PAPPA2: variants seen among roughly 807,000 people sequenced by gnomAD.
PAPPA2 encodes pappalysin 2, also known as pappalysin-2.
A neutral mutation model predicts 176.4 loss-of-function variants in PAPPA2; 86 were observed. The ratio of observed to expected loss-of-function variants is 0.49; its 90% CI spans 0.41 to 0.58. PAPPA2 has a LOEUF of 0.58. PAPPA2 is among the 20% of genes least tolerant of loss of function. The probability of loss-of-function intolerance (pLI) is 0.00; values close to 1 mark genes in which losing one functional copy is unlikely to be tolerated. For missense variants in PAPPA2, 2,073 were observed against 2,256.9 expected, an observed-to-expected ratio of 0.92 and a Z score of 1.65; for synonymous variants, 809 against 852.2, an observed-to-expected ratio of 0.95 and a Z score of 0.88.
intron 1 of PAPPA2, among the ~76,000 whole-genome samples, chr1:176,529,205 T>C (rs552458434): frequency 6.6e-6 from 1 of 152,110 alleles, no homozygotes; most frequent in East Asian, 1.9e-4. Context: ...GTGAAGTGCA[T>C]TTGAGGAAAA....
intron 1 of PAPPA2, among the ~76,000 whole-genome samples, chr1:176,496,603 C>T (rs1647643583): frequency 6.6e-6 from 1 of 152,134 alleles, no homozygotes; most frequent in South Asian, 2.1e-4. Flanking sequence ...ACTTTGTCCT[C>T]CTACACTATG....
Position 176,842,735 on chromosome 1 carries a change from C to A in PAPPA2, c.*281C>A. 1 of 425,518 alleles carries A rather than the reference C, an allele frequency of 2.4e-6. No individual in the cohort carries two copies. The highest frequency in any genetic ancestry group is 4.4e-5 in the East Asian group (1 of 22,678). The allele number at this position is 425,518 out of a possible 1,614,324, so 26.4% of individuals were successfully genotyped here. On this transcript the variant is annotated 3_prime_UTR_variant, in exon 23 of 23. Transcript: ENST00000367662. The stretch of plus-strand genomic sequence containing the variant: ...TAGATATATAAGGACCCTCCTCCCT[C>A]ACTTATATTCTATTAAATCCTATCC...
At chr1:176,652,695 C>T (rs1657800482) in intron 3 of PAPPA2, among the ~76,000 whole-genome samples, 1 of 151,712 alleles carries the variant, frequency 6.6e-6, no homozygotes, top group South Asian at 2.1e-4. Flanking sequence ...TCAGTCACTC[C>T]TGATGCTTCC....
intron 21 of PAPPA2, among the ~76,000 whole-genome samples, chr1:176,826,799 T>C (rs1206511158): frequency 3.3e-5 from 5 of 152,188 alleles, no homozygotes; most frequent in African/African-American, 1.2e-4. Flanking sequence ...TTGGGCAGAA[T>C]AGAAAATGTG....
chr1:176,787,679 A>T (rs545157111), intron 17 of PAPPA2, among the ~76,000 whole-genome samples: 6 of 152,196 alleles, frequency 3.9e-5, no homozygotes. Flanking sequence ...TATTAAAATT[A>T]TTTGAAGTTG....
intron 3 of PAPPA2, among the ~76,000 whole-genome samples, chr1:176,596,899 C>T (rs985348409): frequency 1.3e-5 from 2 of 152,198 alleles, no homozygotes; most frequent in Non-Finnish European, 2.9e-5. Flanking sequence ...ATCCCCAGTA[C>T]ACAACTGGTG....
At chr1:176,707,683 C>T (rs1325181515) in intron 10 of PAPPA2, among the ~76,000 whole-genome samples, 1 of 152,088 alleles carries the variant, frequency 6.6e-6, no homozygotes, top group Non-Finnish European at 1.5e-5. Flanking sequence ...AGGCTCAGAA[C>T]GTTTTAATGA....
At chr1:176,694,930 G>T (rs1204104390) in intron 6 of PAPPA2, among the ~76,000 whole-genome samples, 2 of 152,220 alleles carry the variant, frequency 1.3e-5, no homozygotes, top group African/African-American at 4.8e-5. Flanking sequence ...TCCAGCAGGT[G>T]CAGTGGGTGC....
At position 176,556,111 on chromosome 1, in the gene PAPPA2, G is replaced by C; in HGVS notation, c.-212G>C. The C allele has an allele frequency of 1.7e-6, 1 of 596,214 alleles. No homozygotes were observed. Among genetic ancestry groups the C allele is most frequent in the African/African-American group, 1.9e-5 (1 of 54,018 alleles). 36.9% of individuals were successfully genotyped at this position (596,214 alleles called of 1,614,324 possible). A position where few individuals can be genotyped will look rare whatever the true frequency, so the allele number is the denominator to read the frequency against. ...GAAGCGTGCGGGAAGCACATGCCCT[G>C]GGGAGGCATAGAAGCCACACTGGCA... On this transcript the variant is annotated 5_prime_UTR_variant, in exon 2 of 23. Transcript: ENST00000367662.
intron 19 of PAPPA2, among the ~76,000 whole-genome samples, chr1:176,793,013 A>G (rs1210633748): frequency 3.3e-5 from 5 of 152,184 alleles, no homozygotes; most frequent in African/African-American, 1.2e-4. Context: ...TATCTTTAGT[A>G]CAGCAATAGA....
intron 1 of PAPPA2, among the ~76,000 whole-genome samples, chr1:176,508,188 G>A (rs192108184): frequency 1.3e-5 from 2 of 152,252 alleles, no homozygotes; most frequent in African/African-American, 4.8e-5. Context: ...GAAAGACTAC[G>A]AAATCCATCA....
intron 21 of PAPPA2, among the ~76,000 whole-genome samples, chr1:176,818,577 C>T (rs1289642635): frequency 1.4e-5 from 2 of 144,864 alleles, no homozygotes; most frequent in Non-Finnish European, 3.0e-5. Flanking sequence ...TATATCCACA[C>T]ACCAGCCACA....
chr1:176,466,478 A>G (rs1651625232), intron 1 of PAPPA2, among the ~76,000 whole-genome samples: 1 of 152,192 alleles, frequency 6.6e-6, no homozygotes, highest in Non-Finnish European at 1.5e-5. Context: ...CATATTAAAT[A>G]TTAATATTAG....
intron 3 of PAPPA2, among the ~76,000 whole-genome samples, chr1:176,660,007 C>T (rs908857321): frequency 4.6e-5 from 7 of 152,076 alleles, no homozygotes; most frequent in Admixed American, 6.6e-5. Context: ...AGGCTGTCCC[C>T]ACCCCTGTCA....
intron 12 of PAPPA2, among the ~76,000 whole-genome samples, chr1:176,731,666 T>C (rs939196715): frequency 6.6e-6 from 1 of 151,358 alleles, no homozygotes; most frequent in Non-Finnish European, 1.5e-5. Flanking sequence ...TGTGTGTGTG[T>C]ACATATATGT....
At chr1:176,601,037 T>C (rs1249374965) in intron 3 of PAPPA2, among the ~76,000 whole-genome samples, 1 of 152,212 alleles carries the variant, frequency 6.6e-6, no homozygotes. Context: ...ATGTTAGAAA[T>C]TTAATCCCTG....
chr1:176,601,661 G>C (rs1028971127), intron 3 of PAPPA2, among the ~76,000 whole-genome samples: 1 of 152,194 alleles, frequency 6.6e-6, no homozygotes, highest in Admixed American at 6.5e-5. Flanking sequence ...GATGATCTGC[G>C]AGAGTTAAGG....
chr1:176,746,684 A>T (rs1662925585), intron 14 of PAPPA2, among the ~76,000 whole-genome samples: 1 of 152,282 alleles, frequency 6.6e-6, no homozygotes, highest in Non-Finnish European at 1.5e-5. Context: ...GTATAAATAC[A>T]CATTCTGATT....
intron 3 of PAPPA2, among the ~76,000 whole-genome samples, chr1:176,630,657 A>C (rs771646956): frequency 3.3e-5 from 5 of 152,014 alleles, no homozygotes; most frequent in Non-Finnish European, 7.3e-5. Context: ...AAAGTGGAGA[A>C]AAAAAAGATG....
Sources: gnomAD v4.1 joint callset for allele counts (sites outside exome capture counted in the v4.1 genomes callset) on GRCh38, gnomAD v4.1.1 for gene constraint, MANE v1.5 for transcripts, NCBI Gene and HGNC (gene_info 2026-07-23, HGNC 2026-07-21) for gene names.